The following NOVA1 variants were observed in gnomAD, a reference collection of about 807,000 sequenced individuals.
NOVA1 encodes NOVA alternative splicing regulator 1.
A neutral mutation model predicts 38.0 loss-of-function variants in NOVA1; 7 were observed. The ratio of observed to expected loss-of-function variants is 0.18; its 90% confidence interval spans 0.10 to 0.35. The LOEUF (loss-of-function observed/expected upper bound fraction) is 0.35, where lower values mean the gene tolerates loss of function less well. Ranked by LOEUF, NOVA1 falls within the 10% of genes least tolerant of loss-of-function variation. The probability of loss-of-function intolerance (pLI) is 1.00; values close to 1 mark genes in which losing one functional copy is unlikely to be tolerated. For synonymous variants in NOVA1, 270 were observed against 232.5 expected, an observed-to-expected ratio of 1.16 and a Z score of -1.47; for missense variants, 460 against 616.0, an observed-to-expected ratio of 0.75 and a Z score of 2.68.
chr14:26,444,175 G>A lies in NOVA1; in HGVS notation c.*3784C>T, dbSNP rs1198163867. 5 of 151,992 alleles carry A rather than the reference G, an allele frequency of 3.3e-5. No individual in the cohort carries two copies. Among genetic ancestry groups the A allele is most frequent in the African/African-American group, 7.2e-5 (3 of 41,392 alleles). 9.4% of individuals were successfully genotyped at this position (151,992 alleles called of 1,614,324 possible). A position where few individuals can be genotyped will look rare whatever the true frequency, so the allele number is the denominator to read the frequency against. On this transcript the variant is annotated 3_prime_UTR_variant, in exon 5 of 5. Coordinates refer to ENST00000539517, the MANE Select transcript of NOVA1 (RefSeq NM_002515.3). ...TCCAAGGAAACATAGGGCCTGTAAC[G>A]TAGGGATTCCATTCATTGTTAAATT...
chr14:26,569,066 A>C (rs1046579032), intron 2 of NOVA1, among the ~76,000 whole-genome samples: 4 of 152,194 alleles, frequency 2.6e-5, no homozygotes, highest in Non-Finnish European at 5.9e-5. Flanking sequence ...GGATTCAAAA[A>C]ATTCCCTCAG....
chr14:26,489,050 A>G (rs1886132187), intron 2 of NOVA1, among the ~76,000 whole-genome samples: 2 of 152,082 alleles, frequency 1.3e-5, no homozygotes, highest in Non-Finnish European at 2.9e-5. Flanking sequence ...GGGGAGCAGC[A>G]TTGCAATGGA....
chr14:26,588,518 T>G (rs1893664414), intron 2 of NOVA1: 1 of 151,310 alleles, frequency 6.6e-6, no homozygotes, highest in Non-Finnish European at 1.5e-5. Flanking sequence ...GGAGTGGAGA[T>G]AGTAGGTGTT....
At chr14:26,494,874 T>C (rs928309778) in intron 2 of NOVA1, among the ~76,000 whole-genome samples, 1 of 152,202 alleles carries the variant, frequency 6.6e-6, no homozygotes, top group African/African-American at 2.4e-5. Flanking sequence ...AATAATAGTT[T>C]GAACCTGTAA....
chr14:26,515,550 G>A (rs2138476459), intron 2 of NOVA1, among the ~76,000 whole-genome samples: 1 of 152,008 alleles, frequency 6.6e-6, no homozygotes, highest in East Asian at 1.9e-4. Context: ...CAGACTCAAA[G>A]ATTACTGTGC....
chr14:26,449,943 A>G (rs1470473255), intron 4 of NOVA1, among the ~76,000 whole-genome samples: 1 of 152,142 alleles, frequency 6.6e-6, no homozygotes, highest in African/African-American at 2.4e-5. Context: ...AGAAATATCA[A>G]ATCAATATGA....
intron 3 of NOVA1, among the ~76,000 whole-genome samples, chr14:26,474,322 T>G (rs1005261984): frequency 2.6e-5 from 4 of 151,978 alleles, no homozygotes; most frequent in African/African-American, 4.8e-5. Context: ...TACTACAGGT[T>G]TAATATGACA....
At chr14:26,573,107 T>A (rs1892594556) in intron 2 of NOVA1, among the ~76,000 whole-genome samples, 1 of 151,660 alleles carries the variant, frequency 6.6e-6, no homozygotes, top group Non-Finnish European at 1.5e-5. Flanking sequence ...ACAAAAGAAA[T>A]CCATAAAAAT....
chr14:26,480,118 G>C lies in NOVA1; in HGVS notation c.306C>G (p.Ile102Met), dbSNP rs1441695045. 1.9e-6 allele frequency: 3 copies of C among 1,613,530 alleles called. No homozygotes were observed. The highest frequency in any genetic ancestry group is 1.6e-4 in the Middle Eastern group (1 of 6,062). The change falls in exon 3 of 5, where the codon ATC becomes ATG. Residue 102 changes from isoleucine (I) to methionine (M), a missense_variant. By Grantham distance (10) the Ile-to-Met change is conservative. Coordinates refer to ENST00000539517, the MANE Select transcript of NOVA1 (RefSeq NM_002515.3). ...CATTCAGTGCTTCAACCGTTCCCTG[G>C]ATCAAGCACACTCGCTCAGTAGTAC... Reference protein sequence around the residue: ...YPGTTERVCLIQGTVEALNAV... With the variant: ...YPGTTERVCLMQGTVEALNAV...
At chr14:26,592,022 G>A (rs1893881573) in intron 2 of NOVA1, among the ~76,000 whole-genome samples, 1 of 151,344 alleles carries the variant, frequency 6.6e-6, no homozygotes, top group Admixed American at 6.6e-5. Flanking sequence ...TTTGACTGAT[G>A]TAACGAATAC....
intron 2 of NOVA1, among the ~76,000 whole-genome samples, chr14:26,497,452 T>G (rs1886904939): frequency 6.6e-6 from 1 of 152,122 alleles, no homozygotes; most frequent in Admixed American, 6.5e-5. Flanking sequence ...AGAGGGAAAA[T>G]GTATATGAAA....
At chr14:26,543,130 G>A (rs1890573578) in intron 2 of NOVA1, among the ~76,000 whole-genome samples, 2 of 151,882 alleles carry the variant, frequency 1.3e-5, no homozygotes, top group African/African-American at 4.8e-5. Context: ...TTGTATGAAT[G>A]CATCAAAATT....
rs569911497 is a variant in NOVA1, at chr14:26,504,099, T to C, written c.281-23956A>G. ...ATACCATTTAAAATTTAGATAAAAG[T>C]ATAAGTCATTCATAATTTATAAATA... On this transcript the variant is annotated intron_variant, in intron 2 of 4. Coordinates refer to ENST00000539517, the MANE Select transcript of NOVA1 (RefSeq NM_002515.3). 2.0e-5 allele frequency among the ~76,000 whole-genome samples: 3 copies of C among 152,264 alleles called. No homozygotes were observed. The East Asian group carries it at 5.8e-4, about 29-fold the overall frequency.
At chr14:26,490,076 A>C (rs2138347888) in intron 2 of NOVA1, among the ~76,000 whole-genome samples, 1 of 152,272 alleles carries the variant, frequency 6.6e-6, no homozygotes, top group South Asian at 2.1e-4. Flanking sequence ...CTATGTCAAA[A>C]TTCTAGATAT....
chr14:26,579,053 CTTTTTTTTTTT>C (rs869075814), intron 2 of NOVA1, among the ~76,000 whole-genome samples: 1 of 80,076 alleles, frequency 1.2e-5, no homozygotes, highest in Non-Finnish European at 2.1e-5. Flanking sequence ...AGGTGGTATT[CTTTTTTTTTTT>C]TTTTTTTTTT....
At chr14:26,520,387 T>C (rs1387826529) in intron 2 of NOVA1, among the ~76,000 whole-genome samples, 1 of 152,166 alleles carries the variant, frequency 6.6e-6, no homozygotes, top group Non-Finnish European at 1.5e-5. Context: ...ATCCCTGATG[T>C]ATACTGAGAA....
At chr14:26,593,073 A>G (rs989784045) in intron 2 of NOVA1, 3 of 151,894 alleles carry the variant, frequency 2.0e-5, no homozygotes, top group South Asian at 2.1e-4. Flanking sequence ...ACAGTCATAA[A>G]TATACATATA....
At chr14:26,525,155 C>G (rs1889207012) in intron 2 of NOVA1, among the ~76,000 whole-genome samples, 1 of 152,122 alleles carries the variant, frequency 6.6e-6, no homozygotes, top group African/African-American at 2.4e-5. Context: ...CCAAATACAT[C>G]TGTCCAGTGC....
At chr14:26,496,462 T>C (rs1304309135) in intron 2 of NOVA1, among the ~76,000 whole-genome samples, 2 of 152,092 alleles carry the variant, frequency 1.3e-5, no homozygotes, top group African/African-American at 4.8e-5. Flanking sequence ...ACTCTGATGG[T>C]AGTTTCTTTT....
Sources: gnomAD v4.1 joint callset for allele counts (sites outside exome capture counted in the v4.1 genomes callset) on GRCh38, gnomAD v4.1.1 for gene constraint, MANE v1.5 for transcripts, NCBI Gene and HGNC (gene_info 2026-07-23, HGNC 2026-07-21) for gene names.